CCDC144A: variants seen among roughly 807,000 people sequenced by gnomAD.
CCDC144A encodes coiled-coil domain-containing protein 144A.
A neutral mutation model predicts 143.8 loss-of-function variants in CCDC144A; 41 were observed. The ratio of observed to expected loss-of-function variants is 0.29; its 90% CI spans 0.22 to 0.37. The LOEUF is 0.37. Among genes scored for constraint, CCDC144A ranks in the 10% least tolerant of loss-of-function variants. The pLI, the probability that CCDC144A is intolerant of heterozygous loss-of-function variation, is 1.00. For missense variants in CCDC144A, 637 were observed against 1,488.8 expected (o/e 0.43, Z 9.41); for synonymous variants, 242 against 517.9 (o/e 0.47, Z 7.23).
At chr17:16,728,562 TAC>T (rs1913546686) in intron 9 of CCDC144A, among the ~76,000 whole-genome samples, 1 of 152,248 alleles carries the variant, frequency 6.6e-6, no homozygotes, top group Non-Finnish European at 1.5e-5. Context: ...AAAAAATTTA[TAC>T]AGTTTTATTC....
chr17:16,678,934 A>C, the CCDC144A span, among the ~76,000 whole-genome samples: 7 of 151,688 alleles, frequency 4.6e-5, no homozygotes, highest in East Asian at 1.4e-3. Flanking sequence ...TTGTATTTTT[A>C]GTAGAGGGCG....
At chr17:16,756,407 C>G (rs1288523584) in intron 12 of CCDC144A, among the ~76,000 whole-genome samples, 1 of 151,754 alleles carries the variant, frequency 6.6e-6, no homozygotes, top group Non-Finnish European at 1.5e-5. Context: ...CCAACATTCT[C>G]AGTTGTTTTT....
intron 9 of CCDC144A, chr17:16,731,093 T>C (rs1461129306): frequency 6.6e-5 from 10 of 152,212 alleles, no homozygotes; most frequent in Middle Eastern, 3.4e-3. Flanking sequence ...TAATTCCAAA[T>C]TCATTGTTGA....
At chr17:16,735,677 C>T (rs1401847652) in intron 12 of CCDC144A, 34 bp downstream of exon 12, 5 of 623,572 alleles carry the variant, frequency 8.0e-6, no homozygotes, top group Middle Eastern at 4.3e-4. Flanking sequence ...ATTTTTCAAC[C>T]TTCCTGAAAG....
At chr17:16,758,415 G>A (rs1240141029) in intron 12 of CCDC144A, among the ~76,000 whole-genome samples, 26 of 152,132 alleles carry the variant, frequency 1.7e-4, no homozygotes, top group Non-Finnish European at 2.6e-4. Context: ...TGGTTTCTGC[G>A]GTATAACCCC....
the CCDC144A span, among the ~76,000 whole-genome samples, chr17:16,677,232 C>T: frequency 5.3e-5 from 8 of 152,060 alleles, no homozygotes; most frequent in Non-Finnish European, 1.2e-4. Flanking sequence ...ACCAATTCTC[C>T]TAAAACTCCA....
At position 16,775,150 on chromosome 17, in the gene CCDC144A, G is replaced by T. The variant is rs1241760523; in HGVS notation, c.*1517G>T. The T allele has an allele frequency of 6.6e-6, 1 of 152,270 alleles. No homozygotes were observed. Among genetic ancestry groups the T allele is most frequent in the Non-Finnish European group, 1.5e-5 (1 of 68,070 alleles). 9.4% of individuals were successfully genotyped at this position (152,270 alleles called of 1,614,324 possible). A position where few individuals can be genotyped will look rare whatever the true frequency, so the allele number is the denominator to read the frequency against. On this transcript the variant is annotated 3_prime_UTR_variant, in exon 17 of 17. Transcript: ENST00000399273. ...AGGTTGATTCTTTGTCTTTGCTATT[G>T]TGAATAGTGCTGCAATGAACATACG...
intron 1 of CCDC144A, among the ~76,000 whole-genome samples, chr17:16,691,019 CAT>C (rs1442426978): frequency 2.6e-5 from 4 of 152,210 alleles, no homozygotes; most frequent in African/African-American, 9.7e-5. Context: ...ATACAGCAGA[CAT>C]ATTCTACTGT....
intron 1 of CCDC144A, among the ~76,000 whole-genome samples, chr17:16,691,431 T>C (rs370687022): frequency 1.7e-4 from 26 of 152,058 alleles, no homozygotes; most frequent in Middle Eastern, 3.4e-3. Flanking sequence ...TTAACAGAGC[T>C]AAGTCTCATC....
chr17:16,761,123 C>T (rs1597591360), intron 12 of CCDC144A, among the ~76,000 whole-genome samples: 1 of 151,342 alleles, frequency 6.6e-6, no homozygotes, highest in East Asian at 2.0e-4. Context: ...GTCAGGAGAT[C>T]GAGACCATCC....
At chr17:16,730,699 T>G (rs1913698388) in intron 9 of CCDC144A, among the ~76,000 whole-genome samples, 1 of 127,984 alleles carries the variant, frequency 7.8e-6, no homozygotes, top group African/African-American at 3.6e-5. Context: ...TAGAGATCTT[T>G]CACCTCCTTG....
At chr17:16,668,778 C>T in the CCDC144A span, among the ~76,000 whole-genome samples, 1 of 152,202 alleles carries the variant, frequency 6.6e-6, no homozygotes, top group Non-Finnish European at 1.5e-5. Flanking sequence ...TTATTTTTCA[C>T]AGCCTTGGAG....
At chr17:16,763,114 G>C (rs1369776789) in intron 14 of CCDC144A, among the ~76,000 whole-genome samples, 4 of 150,696 alleles carry the variant, frequency 2.7e-5, no homozygotes, top group Non-Finnish European at 4.4e-5. Flanking sequence ...AGCAGAGAAT[G>C]ATCAACTAGG....
At chr17:16,689,602 GCTGCACGGAC>G (rs200150217), upstream of CCDC144A, 1,779 of 152,696 alleles carry the variant, frequency 0.012, 21 homozygotes, top group Non-Finnish European at 0.02. Context: ...CGGGTCGCCA[GCTGCACGGAC>G]CCTGGGCAGA....
rs1254793189 is a variant in CCDC144A, at chr17:16,776,041, T to C, written c.*2408T>C. Reference sequence around the variant, plus strand: ...GGTGTGTGGTCTTATTTCTGGGTTCTCTATTCTGTTCCATTGGTCTATGTG... The same window carrying C: ...GGTGTGTGGTCTTATTTCTGGGTTCCCTATTCTGTTCCATTGGTCTATGTG... On this transcript the variant is annotated 3_prime_UTR_variant, in exon 17 of 17. Coordinates refer to ENST00000399273, the MANE Select transcript of CCDC144A (RefSeq NM_001382000.1). 6.6e-6 allele frequency: 1 copy of C among 152,256 alleles called. No homozygotes were observed. The highest frequency in any genetic ancestry group is 1.5e-5 in the Non-Finnish European group (1 of 68,058). 9.4% of individuals were successfully genotyped at this position (152,256 alleles called of 1,614,324 possible). A position where few individuals can be genotyped will look rare whatever the true frequency, so the allele number is the denominator to read the frequency against.
chr17:16,753,371 G>A (rs1309795979), intron 12 of CCDC144A, among the ~76,000 whole-genome samples: 1 of 149,726 alleles, frequency 6.7e-6, no homozygotes, highest in Admixed American at 6.6e-5. Flanking sequence ...CAGTCCATGA[G>A]CATGCAATAT....
At chr17:16,683,538 A>G in the CCDC144A span, 1 of 1,568,432 alleles carries the variant, frequency 6.4e-7, no homozygotes, top group Non-Finnish European at 8.8e-7. Flanking sequence ...GAGGGGCGGC[A>G]AGTCCGCGGT....
In CCDC144A at chr17:16,709,485, G is replaced by C; in HGVS notation, c.1428G>C (p.Leu476=). The C allele has an allele frequency of 1.1e-5, 17 of 1,611,550 alleles. No homozygotes were observed. Among genetic ancestry groups the C allele is most frequent in the Non-Finnish European group, 1.4e-5 (17 of 1,179,602 alleles). ...YKSLKPKLEN[L]SSLPPDSDRT... is the part of the protein sequence containing the mutation. ...GCCTGAAACCTAAATTAGAAAATCT[G>C]AGTTCTTTACCACCAGATTCTGACA... Residue 476 remains leucine (L), a synonymous_variant, in exon 5 of 17, where the codon CTG becomes CTC. Coordinates refer to ENST00000399273, the MANE Select transcript of CCDC144A (RefSeq NM_001382000.1).
Position 16,762,481 on chromosome 17 carries a change from C to G in CCDC144A, c.3835C>G (p.Leu1279Val). 1 of 1,594,862 alleles carries G rather than the reference C, an allele frequency of 6.3e-7. No homozygotes were observed. The highest frequency in any genetic ancestry group is 1.1e-5 in the South Asian group (1 of 87,608). ...AACCGAATTGGAAAGATATAAGGAA[C>G]TCTACCTAGAAGAAGTGAAAGTTAG... ...NKTELERYKE[L>V]YLEEVKVRES... Residue 1279 changes from leucine (L) to valine (V), a missense_variant, in exon 14 of 17, where the codon CTC becomes GTC. Transcript: ENST00000399273.
Sources: gnomAD v4.1 joint callset for allele counts (sites outside exome capture counted in the v4.1 genomes callset) on GRCh38, gnomAD v4.1.1 for gene constraint, MANE v1.5 for transcripts, NCBI Gene and HGNC (gene_info 2026-07-23, HGNC 2026-07-21) for gene names.